The following ROS1 variants were observed in gnomAD, a reference collection of about 807,000 sequenced individuals.
The protein encoded by ROS1 is ROS proto-oncogene 1, receptor tyrosine kinase.
ROS1 carries 263 observed loss-of-function variants against 273.5 expected under a neutral mutation model. That is an observed-to-expected ratio of 0.96 (90% CI 0.87 to 1.06). The LOEUF is 1.06. ROS1 is among the 50% of genes least tolerant of loss of function. The probability of loss-of-function intolerance (pLI) is 0.00; values close to 1 mark genes in which losing one functional copy is unlikely to be tolerated. For synonymous variants in ROS1, 1,008 were observed against 954.1 expected (o/e 1.06, Z -1.04); for missense variants, 2,833 against 2,751.1 (o/e 1.03, Z -0.67).
intron 18 of ROS1, among the ~76,000 whole-genome samples, chr6:117,376,818 T>G (rs1463877397): frequency 6.6e-6 from 1 of 152,154 alleles, no homozygotes. Flanking sequence ...TTCAAAATTT[T>G]GAGATATTCA....
At chr6:117,367,947 C>T (rs553615991) in intron 18 of ROS1, among the ~76,000 whole-genome samples, 18 of 152,308 alleles carry the variant, frequency 1.2e-4, no homozygotes, top group African/African-American at 3.8e-4. Context: ...CATTGAACCA[C>T]GCCTTCCTCC....
At chr6:117,386,272 G>C (rs535635863) in intron 15 of ROS1, among the ~76,000 whole-genome samples, 23 of 152,314 alleles carry the variant, frequency 1.5e-4, no homozygotes, top group African/African-American at 4.1e-4. Flanking sequence ...TCTCTCCATT[G>C]GTGCCACATT....
In ROS1 at chr6:117,362,661, G is replaced by A. The variant is rs754292558; in HGVS notation, c.3308C>T (p.Pro1103Leu). Residue 1103 changes from proline to leucine, a missense_variant, in exon 22 of 44, where the codon CCC (proline) becomes CTC (leucine). Coordinates refer to ENST00000368507, the MANE Select transcript of ROS1 (RefSeq NM_001378902.1). ...CEDWIAVNVTPSVMSFQLEGM... is the reference protein window; with the variant it reads ...CEDWIAVNVTLSVMSFQLEGM... Reference sequence around the variant, plus strand: ...TTCAAGTTGAAAAGACATCACTGAGGGAGTGACATTGACAGCAATCCAGTC... The same window carrying A: ...TTCAAGTTGAAAAGACATCACTGAGAGAGTGACATTGACAGCAATCCAGTC... 6.0e-5 allele frequency: 96 copies of A among 1,613,056 alleles called. No homozygotes were observed. Among genetic ancestry groups the A allele is most frequent in the Non-Finnish European group, 7.4e-5 (87 of 1,179,350 alleles).
intron 4 of ROS1, 77 bp downstream of exon 4, chr6:117,414,442 C>T (rs1469932039): frequency 2.0e-5 from 14 of 714,194 alleles, no homozygotes; most frequent in Admixed American, 1.3e-4. Flanking sequence ...TTCTTCACCC[C>T]TATTTTAAAA....
intron 18 of ROS1, 60 bp downstream of exon 18, chr6:117,378,999 T>C: frequency 2.0e-6 from 2 of 985,218 alleles, no homozygotes; most frequent in Non-Finnish European, 3.2e-6. Context: ...TTCCATGCAT[T>C]ATCATTTATG....
chr6:117,335,292 C>A (rs1204485959), intron 32 of ROS1, among the ~76,000 whole-genome samples: 1 of 152,104 alleles, frequency 6.6e-6, no homozygotes, highest in Admixed American at 6.6e-5. Context: ...CAATGAGATA[C>A]CATCTCACGC....
chr6:117,343,011 A>G (rs1183951397), intron 28 of ROS1, among the ~76,000 whole-genome samples: 1 of 151,992 alleles, frequency 6.6e-6, no homozygotes, highest in Non-Finnish European at 1.5e-5. Context: ...GTTTTAAGAA[A>G]CTACTATGCC....
Position 117,359,934 on chromosome 6 carries a change from C to G in ROS1, c.3508G>C (p.Val1170Leu), listed in dbSNP as rs1779649150. The stretch of plus-strand genomic sequence containing the variant: ...ACTCTTTCTGCTGAAAACGTCCACA[C>G]AACTTGATTTTGATCCATATCTAAA... ...VFLDMDQNQV[V>L]WTFSAERVIS... The change falls in exon 24 of 44, where the codon GTG (valine) becomes CTG (leucine). Residue 1170 changes from valine (V) to leucine (L), a missense_variant. Val to Leu is a conservative substitution (Grantham distance 32, BLOSUM62 1). Transcript: ENST00000368507. The G allele has an allele frequency of 1.9e-6, 3 of 1,613,776 alleles. No individual in the cohort carries two copies. Among genetic ancestry groups the G allele is most frequent in the Non-Finnish European group, 1.7e-6 (2 of 1,179,870 alleles).
In ROS1 at chr6:117,373,638, C is replaced by T. The variant is rs562680097; in HGVS notation, c.2582+5421G>A. Among the ~76,000 whole-genome samples the T allele has an allele frequency of 2.6e-5, 4 of 152,228 alleles. No individual in the cohort carries two copies. In the South Asian group the frequency reaches 8.3e-4, roughly 32 times the overall value. The stretch of plus-strand genomic sequence containing the variant: ...CTCGTGCTGGCCTGCGACCACCACA[C>T]GTAGCCCTGGTTCCCACCTGCGTCT... On this transcript the variant is annotated intron_variant, in intron 18 of 43. Coordinates refer to ENST00000368507, the MANE Select transcript of ROS1 (RefSeq NM_001378902.1).
chr6:117,356,341 T>C (rs1779301569), intron 26 of ROS1, among the ~76,000 whole-genome samples: 2 of 152,204 alleles, frequency 1.3e-5, no homozygotes, highest in Non-Finnish European at 2.9e-5. Context: ...GAAGATTAAA[T>C]AAAATAATGC....
chr6:117,408,518 C>T (rs1004202112), intron 5 of ROS1, among the ~76,000 whole-genome samples: 1 of 152,124 alleles, frequency 6.6e-6, no homozygotes, highest in Non-Finnish European at 1.5e-5. Context: ...AATGAGATAC[C>T]ATCTCACACC....
At chr6:117,385,915 A>G (rs761211937) in intron 15 of ROS1, 54 bp from the exon 16 acceptor site, 4 of 1,429,548 alleles carry the variant, frequency 2.8e-6, no homozygotes, top group Non-Finnish European at 3.9e-6. Flanking sequence ...CAACAAAAAC[A>G]TAATGAGTCA....
intron 40 of ROS1, 97 bp from the exon 41 acceptor site, chr6:117,310,378 C>CT: frequency 2.4e-6 from 2 of 849,146 alleles, no homozygotes; most frequent in South Asian, 2.2e-5. Context: ...AGAAGAGAAA[C>CT]TATTTTTTTT....
intron 22 of ROS1, among the ~76,000 whole-genome samples, chr6:117,361,650 AG>A (rs1461686546): frequency 6.6e-6 from 1 of 150,986 alleles, no homozygotes; most frequent in Admixed American, 6.6e-5. Flanking sequence ...TTTACCAAAT[AG>A]GAACGTGTAC....
intron 43 of ROS1, 128 bp downstream of exon 43, chr6:117,300,846 T>C (rs1483824236): frequency 1.4e-5 from 8 of 585,718 alleles, no homozygotes; most frequent in African/African-American, 1.9e-5. Flanking sequence ...CACTTAATTA[T>C]GATGACAAAG....
chr6:117,340,543 C>T (rs890324651), intron 31 of ROS1, among the ~76,000 whole-genome samples: 26 of 152,176 alleles, frequency 1.7e-4, no homozygotes, highest in African/African-American at 5.1e-4. Flanking sequence ...GAGTTTATCA[C>T]CATAAAAGTC....
At chr6:117,376,696 C>A (rs1781357335) in intron 18 of ROS1, among the ~76,000 whole-genome samples, 1 of 150,860 alleles carries the variant, frequency 6.6e-6, no homozygotes, top group Non-Finnish European at 1.5e-5. Flanking sequence ...TAGGCATTAA[C>A]CTAATAAAAG....
chr6:117,331,363 A>G (rs1777066439), intron 32 of ROS1, among the ~76,000 whole-genome samples: 1 of 152,210 alleles, frequency 6.6e-6, no homozygotes, highest in Non-Finnish European at 1.5e-5. Context: ...AACCTATGAT[A>G]GCTTGGAGTA....
Position 117,365,475 on chromosome 6 carries a change from A to C in ROS1, c.2958+106T>G, listed in dbSNP as rs956287653. ...ACCAAATGCTATGGGAATGACAAAG[A>C]AGATGGGCTTGGCTAAGTCAAGATG... On this transcript the variant is annotated intron_variant, in intron 20 of 43. Coordinates refer to ENST00000368507, the MANE Select transcript of ROS1 (RefSeq NM_001378902.1). 73 of 977,234 alleles carry C rather than the reference A, an allele frequency of 7.5e-5. No individual in the cohort carries two copies. The African/African-American group carries it at 1.2e-3, about 16-fold the overall frequency. The allele number at this position is 977,234 out of a possible 1,614,324, so 60.5% of individuals were successfully genotyped here.
Sources: allele counts gnomAD v4.1 joint callset (sites outside exome capture counted in the v4.1 genomes callset), GRCh38; gene constraint gnomAD v4.1.1; transcripts MANE v1.5; gene names NCBI Gene and HGNC (gene_info 2026-07-23, HGNC 2026-07-21).